Variants in CACNA2D2 observed in about 807,000 individuals in gnomAD.
CACNA2D2 encodes calcium voltage-gated channel auxiliary subunit alpha2delta 2.
In CACNA2D2, 48 loss-of-function variants were observed where a neutral mutation model predicts 166.4. That is an observed-to-expected ratio of 0.29 (90% CI 0.23 to 0.37). The LOEUF (loss-of-function observed/expected upper bound fraction) is 0.37. CACNA2D2 is among the 10% of genes least tolerant of loss of function. The pLI is 1.00. For synonymous variants in CACNA2D2, 561 were observed against 573.7 expected, an observed-to-expected ratio of 0.98 and a Z score of 0.32; for missense variants, 1,122 against 1,433.0, an observed-to-expected ratio of 0.78 and a Z score of 3.50.
intron 3 of CACNA2D2, among the ~76,000 whole-genome samples, chr3:50,405,216 ATGGGGCACTGGT>A (rs908752532): frequency 8.5e-5 from 13 of 152,162 alleles, no homozygotes; most frequent in Non-Finnish European, 1.8e-4. Context: ...AATGTGCCCG[ATGGGGCACTGGT>A]TGGGCTGGGG....
chr3:50,387,733 C>T, intron 4 of CACNA2D2, 121 bp from the exon 5 acceptor site: 1 of 768,396 alleles, frequency 1.3e-6, no homozygotes, highest in Admixed American at 2.6e-5. Context: ...GTCCCTTTCC[C>T]CCACCCAGAG....
chr3:50,378,779 C>T (rs1182338776), intron 13 of CACNA2D2, 136 bp downstream of exon 13: 4 of 1,023,304 alleles, frequency 3.9e-6, no homozygotes, highest in Non-Finnish European at 5.9e-6. Flanking sequence ...GAGGGACAGC[C>T]TCGTGGATGG....
intron 4 of CACNA2D2, among the ~76,000 whole-genome samples, chr3:50,392,065 C>A (rs191031880): frequency 6.6e-6 from 1 of 152,148 alleles, no homozygotes; most frequent in Non-Finnish European, 1.5e-5. Flanking sequence ...GTGGCACAGG[C>A]CAGGTGCCTC....
At chr3:50,492,556 G>A (rs1005179171) in intron 1 of CACNA2D2, among the ~76,000 whole-genome samples, 4 of 152,202 alleles carry the variant, frequency 2.6e-5, no homozygotes, top group African/African-American at 4.8e-5. Flanking sequence ...GGAGTTAAAC[G>A]GGACCAACTG....
In CACNA2D2 at chr3:50,363,726, G is replaced by C. The variant is rs767608279; in HGVS notation, c.*940C>G. ...TGGTCCCACTGGGGGCCTGACACTAGTGAGAAATGGTTACAATGAGCACCT... is the reference window on the plus strand; with the variant it reads ...TGGTCCCACTGGGGGCCTGACACTACTGAGAAATGGTTACAATGAGCACCT... On this transcript the variant is annotated 3_prime_UTR_variant, in exon 38 of 38. Transcript: ENST00000424201. 6.4e-6 allele frequency: 1 copy of C among 156,352 alleles called. No individual in the cohort carries two copies. The highest frequency in any genetic ancestry group is 3.2e-3 in the Middle Eastern group (1 of 316). 9.7% of individuals were successfully genotyped at this position (156,352 alleles called of 1,614,324 possible).
intron 2 of CACNA2D2, among the ~76,000 whole-genome samples, chr3:50,454,067 T>G (rs1334221041): frequency 6.6e-6 from 1 of 152,128 alleles, no homozygotes; most frequent in African/African-American, 2.4e-5. Flanking sequence ...CAAGGGCAAA[T>G]AATAGCTTTT....
At chr3:50,450,095 T>C (rs930225152) in intron 2 of CACNA2D2, among the ~76,000 whole-genome samples, 1 of 152,162 alleles carries the variant, frequency 6.6e-6, no homozygotes, top group African/African-American at 2.4e-5. Context: ...TCTCAACCAG[T>C]CCTCTCAGTG....
intron 3 of CACNA2D2, among the ~76,000 whole-genome samples, chr3:50,410,467 G>C (rs1178667572): frequency 6.8e-6 from 1 of 146,442 alleles, no homozygotes; most frequent in Admixed American, 7.1e-5. Context: ...ACAGAGCTGG[G>C]TGCTCCCTGG....
chr3:50,494,541 A>T (rs917182617), intron 1 of CACNA2D2, among the ~76,000 whole-genome samples: 7 of 152,208 alleles, frequency 4.6e-5, no homozygotes, highest in Non-Finnish European at 1.0e-4. Flanking sequence ...CTGAAACAGC[A>T]CAGGGACATC....
intron 3 of CACNA2D2, among the ~76,000 whole-genome samples, chr3:50,409,446 T>C (rs1706885565): frequency 6.6e-6 from 1 of 152,198 alleles, no homozygotes; most frequent in African/African-American, 2.4e-5. Flanking sequence ...CTGAAATATA[T>C]GGGTTGGCAA....
intron 1 of CACNA2D2, among the ~76,000 whole-genome samples, chr3:50,485,090 G>A (rs1011248116): frequency 1.9e-4 from 29 of 152,324 alleles, no homozygotes; most frequent in Admixed American, 8.5e-4. Context: ...AGGCCCTGGC[G>A]CTAGAGCAGC....
intron 1 of CACNA2D2, among the ~76,000 whole-genome samples, chr3:50,492,761 A>T (rs142272803): frequency 6.6e-6 from 1 of 152,178 alleles, no homozygotes; most frequent in South Asian, 2.1e-4. Flanking sequence ...GCCTCTGCAG[A>T]GGGAGATGCA....
chr3:50,384,305 C>T lies in CACNA2D2; in HGVS notation c.543G>A (p.Gly181=), dbSNP rs760359775. Residue 181 remains glycine, a synonymous_variant, in exon 6 of 38, where the codon GGG becomes GGA. Coordinates refer to ENST00000424201, the MANE Select transcript of CACNA2D2 (RefSeq NM_006030.4). ...DDPESEDVER[G]SKASTLRLDF... ...CCAGCCTTAGGGTGCTGGCCTTAGA[C>T]CCCCTTTCCACATCCTCACTCTCAG... 4 of 1,614,036 alleles carry T rather than the reference C, an allele frequency of 2.5e-6. No individual in the cohort carries two copies. In the East Asian group the frequency reaches 6.7e-5, roughly 27 times the overall value.
In CACNA2D2 at chr3:50,365,315, G is replaced by A; in HGVS notation, c.3098+41C>T. 6.4e-7 allele frequency: 1 copy of A among 1,553,798 alleles called. No homozygotes were observed. The highest frequency in any genetic ancestry group is 8.7e-7 in the Non-Finnish European group (1 of 1,146,362). ...TCCCGAGCGTCTCGCCCCGCTCACA[G>A]GTTCCGCCCTTGGCCTCTGGTCCCG... On this transcript the variant is annotated intron_variant, in intron 35 of 37. Transcript: ENST00000424201. This position sits in a 1 kb window ranked among gnomAD's most constrained non-coding sequence, Gnocchi z 4.5.
intron 1 of CACNA2D2, among the ~76,000 whole-genome samples, chr3:50,498,199 T>C (rs1343531747): frequency 1.3e-5 from 2 of 152,134 alleles, no homozygotes; most frequent in African/African-American, 4.8e-5. Context: ...CCACCTGCCT[T>C]GACTCCCAAA....
chr3:50,448,882 C>G (rs1224019987), intron 2 of CACNA2D2, among the ~76,000 whole-genome samples: 1 of 152,184 alleles, frequency 6.6e-6, no homozygotes, highest in South Asian at 2.1e-4. Flanking sequence ...ATTGATGGCG[C>G]AGGCTGCAAC....
intron 3 of CACNA2D2, among the ~76,000 whole-genome samples, chr3:50,432,560 C>T (rs1184546829): frequency 2.0e-5 from 3 of 152,130 alleles, no homozygotes; most frequent in African/African-American, 7.2e-5. Context: ...TCCAGGCACG[C>T]CCAGTTCAGA....
intron 3 of CACNA2D2, among the ~76,000 whole-genome samples, chr3:50,415,294 G>C (rs904174468): frequency 6.6e-5 from 10 of 152,364 alleles, no homozygotes; most frequent in African/African-American, 1.9e-4. Context: ...GTGCTGTGCA[G>C]AGAGAGCTGA....
At chr3:50,411,545 T>C (rs1707017092) in intron 3 of CACNA2D2, among the ~76,000 whole-genome samples, 1 of 152,212 alleles carries the variant, frequency 6.6e-6, no homozygotes, top group Admixed American at 6.5e-5. Flanking sequence ...CCAGATGCTT[T>C]TGTGATTCTA....
Sources: allele counts gnomAD v4.1 joint callset (sites outside exome capture counted in the v4.1 genomes callset), GRCh38; gene constraint gnomAD v4.1.1; non-coding constraint Gnocchi (gnomAD v3.1); transcripts MANE v1.5; gene names NCBI Gene and HGNC (gene_info 2026-07-23, HGNC 2026-07-21).